Variants in GGNBP2 observed in about 807,000 individuals in gnomAD.
GGNBP2 encodes the protein gametogenetin binding protein 2.
Under a neutral mutation model 85.9 loss-of-function variants are expected in GGNBP2, and 10 were observed. The ratio of observed to expected loss-of-function variants is 0.12; its 90% confidence interval spans 0.07 to 0.20. The LOEUF (loss-of-function observed/expected upper bound fraction) is 0.20, where lower values mean the gene tolerates loss of function less well. Among genes scored for constraint, GGNBP2 ranks in the 10% least tolerant of loss-of-function variants. GGNBP2 has a pLI of 1.00. For synonymous variants in GGNBP2, 287 were observed against 285.7 expected (o/e 1.00, Z -0.05); for missense variants, 595 against 857.8 (o/e 0.69, Z 3.83).
At chr17:36,553,318 C>G (rs951880958) in intron 2 of GGNBP2, among the ~76,000 whole-genome samples, 67 of 152,132 alleles carry the variant, frequency 4.4e-4, no homozygotes, top group African/African-American at 1.5e-3. Flanking sequence ...CATAGTCTAT[C>G]CTTTAGTATC....
chr17:36,574,752 G>C, intron 6 of GGNBP2: 1 of 629,490 alleles, frequency 1.6e-6, no homozygotes, highest in Non-Finnish European at 2.8e-6. Flanking sequence ...CTGGGCGTAG[G>C]GATGAGGCGC....
chr17:36,584,307 A>G (rs1410384908), intron 9 of GGNBP2, among the ~76,000 whole-genome samples: 3 of 152,194 alleles, frequency 2.0e-5, no homozygotes, highest in Non-Finnish European at 2.9e-5. Flanking sequence ...CAGCTGCAAT[A>G]GAAATGCTTT....
intron 6 of GGNBP2, among the ~76,000 whole-genome samples, chr17:36,571,966 T>G (rs1555606886): frequency 2.0e-5 from 3 of 152,006 alleles, no homozygotes; most frequent in Non-Finnish European, 4.4e-5. Flanking sequence ...GGAGGATCAC[T>G]TGAGCCCAGG....
intron 5 of GGNBP2, among the ~76,000 whole-genome samples, chr17:36,563,498 A>T (rs772416269): frequency 4.6e-5 from 7 of 150,918 alleles, no homozygotes; most frequent in East Asian, 1.9e-4. Context: ...ATATATGGAC[A>T]TTTTTTTTCA....
At chr17:36,568,062 A>G (rs911828557) in intron 6 of GGNBP2, among the ~76,000 whole-genome samples, 8 of 151,796 alleles carry the variant, frequency 5.3e-5, no homozygotes, top group African/African-American at 1.7e-4. Flanking sequence ...AGTAGCTGGG[A>G]TTACAGGCAT....
chr17:36,585,698 A>C, intron 10 of GGNBP2, 142 bp from the exon 11 acceptor site: 1 of 743,726 alleles, frequency 1.3e-6, no homozygotes, highest in South Asian at 2.5e-5. Flanking sequence ...TTCTACTTAA[A>C]AAAAAAATCC....
Position 36,577,966 on chromosome 17 carries a change from G to T in GGNBP2, c.642-17G>T. ...TGCACAGCCATTTCTTAATTTTAAG[G>T]TTTTTCTTTTCAACAGGTTTTGCAC... On this transcript the variant is annotated splice_polypyrimidine_tract_variant and intron_variant, in intron 6 of 13. Coordinates refer to ENST00000613102, the MANE Select transcript of GGNBP2 (RefSeq NM_024835.5). The T allele has an allele frequency of 1.9e-6, 3 of 1,601,802 alleles. No individual in the cohort carries two copies. The highest frequency in any genetic ancestry group is 2.2e-5 in the South Asian group (2 of 90,834).
At chr17:36,546,473 G>T (rs1473693181) in intron 2 of GGNBP2, 1 of 151,772 alleles carries the variant, frequency 6.6e-6, no homozygotes. Context: ...CCAAATTATT[G>T]AATGTGTAAG....
In GGNBP2 at chr17:36,564,635, T is replaced by C. The variant is rs536961328; in HGVS notation, c.528-3028T>C. On this transcript the variant is annotated intron_variant, in intron 5 of 13. Transcript: ENST00000613102. The stretch of plus-strand genomic sequence containing the variant: ...GCTTCAGTTATTCCCACAGGCCACA[T>C]AGAATAGCAGGCTAAGCAGTACAGT... Among the ~76,000 whole-genome samples, 14 of 152,278 alleles carry C rather than the reference T, an allele frequency of 9.2e-5. 1 individual carries two copies. In the South Asian group the frequency reaches 2.7e-3, roughly 29 times the overall value.
intron 10 of GGNBP2, 169 bp downstream of exon 10, chr17:36,585,619 CTT>C: frequency 1.6e-6 from 1 of 624,082 alleles, no homozygotes; most frequent in Non-Finnish European, 2.6e-6. Flanking sequence ...TCTTTATGTT[CTT>C]TGACTTATTT....
rs770176829 is a variant in GGNBP2, at chr17:36,585,822, C to T, written c.1367-18C>T. ...TTATTGGTATGTTAATAGTAACTCT[C>T]ACTTGATTTATTCTCAGGCTTATCT... On this transcript the variant is annotated intron_variant, in intron 10 of 13. Coordinates refer to ENST00000613102, the MANE Select transcript of GGNBP2 (RefSeq NM_024835.5). 1.2e-6 allele frequency: 2 copies of T among 1,608,666 alleles called. No homozygotes were observed. The highest frequency in any genetic ancestry group is 1.3e-5 in the African/African-American group (1 of 74,756).
chr17:36,575,259 G>A (rs1555607539), intron 6 of GGNBP2: 2 of 603,028 alleles, frequency 3.3e-6, no homozygotes, highest in African/African-American at 1.9e-5. Flanking sequence ...AAACCTCCAC[G>A]GAAGCCACTG....
At chr17:36,580,146 G>A (rs2074632263) in intron 8 of GGNBP2, among the ~76,000 whole-genome samples, 1 of 152,070 alleles carries the variant, frequency 6.6e-6, no homozygotes, top group Non-Finnish European at 1.5e-5. Flanking sequence ...CCAGTAGTAT[G>A]AAGTAAATGC....
At chr17:36,570,157 G>A (rs2074509030) in intron 6 of GGNBP2, among the ~76,000 whole-genome samples, 1 of 150,862 alleles carries the variant, frequency 6.6e-6, no homozygotes, top group Non-Finnish European at 1.5e-5. Flanking sequence ...TCAGGTAGAT[G>A]GTTTGAGCTC....
chr17:36,545,180 G>C (rs2074236894), intron 1 of GGNBP2, 83 bp downstream of exon 1: 2 of 153,558 alleles, frequency 1.3e-5, no homozygotes, highest in African/African-American at 4.8e-5. Context: ...GCGGGGTCGC[G>C]CTGGGCAACT....
In GGNBP2 at chr17:36,589,450, G is replaced by A. The variant is rs750431543; in HGVS notation, c.*39G>A. On this transcript the variant is annotated 3_prime_UTR_variant, in exon 14 of 14. Transcript: ENST00000613102. ...CTCTGTCTTTCAATGAAACACTCAC[G>A]ATGACTACTGCGCCTTCTCTTTCGA... The A allele has an allele frequency of 1.2e-5, 17 of 1,464,110 alleles. No individual in the cohort carries two copies. The highest frequency in any genetic ancestry group is 4.2e-5 in the African/African-American group (3 of 71,876). 90.7% of individuals were successfully genotyped at this position (1,464,110 alleles called of 1,614,324 possible).
intron 4 of GGNBP2, among the ~76,000 whole-genome samples, chr17:36,557,927 C>T (rs1169752353): frequency 1.3e-5 from 2 of 150,772 alleles, no homozygotes; most frequent in Admixed American, 6.6e-5. Flanking sequence ...TCCTGACCAA[C>T]GTGGTGAAAC....
chr17:36,589,162 T>G, intron 13 of GGNBP2, 46 bp from the exon 14 acceptor site: 1 of 1,378,216 alleles, frequency 7.3e-7, no homozygotes, highest in Non-Finnish European at 1.0e-6. Flanking sequence ...TTACATAACA[T>G]TTTGCATTCT....
chr17:36,546,025 A>C (rs1599488917), intron 2 of GGNBP2: 3 of 507,298 alleles, frequency 5.9e-6, no homozygotes, highest in Non-Finnish European at 1.1e-5. Context: ...CTCCGTACGC[A>C]CTCCCTCTCT....
Sources: allele counts gnomAD v4.1 joint callset (sites outside exome capture counted in the v4.1 genomes callset), GRCh38; gene constraint gnomAD v4.1.1; transcripts MANE v1.5; gene names NCBI Gene and HGNC (gene_info 2026-07-23, HGNC 2026-07-21).